NEGR1: variants seen among roughly 807,000 people sequenced by gnomAD.
The protein encoded by NEGR1 is neuronal growth regulator 1, also known as IgLON family member 4.
A neutral mutation model predicts 40.9 loss-of-function variants in NEGR1; 10 were observed. The ratio of observed to expected loss-of-function variants is 0.24; its 90% confidence interval spans 0.15 to 0.42. The LOEUF is 0.42. Ranked by LOEUF, NEGR1 falls within the 10% of genes least tolerant of loss-of-function variation. The pLI is 1.00. For synonymous variants in NEGR1, 185 were observed against 166.8 expected (o/e 1.11, Z -0.84); for missense variants, 352 against 438.9 (o/e 0.80, Z 1.77).
At chr1:72,029,318 A>G (rs1484474592) in intron 1 of NEGR1, among the ~76,000 whole-genome samples, 1 of 152,152 alleles carries the variant, frequency 6.6e-6, no homozygotes, top group Non-Finnish European at 1.5e-5. Context: ...GCATCTCTAA[A>G]AAATATAAAA....
chr1:72,229,390 AATG>A (rs1325218011), intron 1 of NEGR1, among the ~76,000 whole-genome samples: 5 of 148,560 alleles, frequency 3.4e-5, no homozygotes, highest in Non-Finnish European at 7.4e-5. Flanking sequence ...TTTGATTTTA[AATG>A]ATATTTTAGG....
At chr1:72,244,365 G>A (rs1326987043) in intron 1 of NEGR1, among the ~76,000 whole-genome samples, 1 of 151,634 alleles carries the variant, frequency 6.6e-6, no homozygotes, top group Non-Finnish European at 1.5e-5. Flanking sequence ...ACATAATTCA[G>A]GATATTTCTA....
At chr1:71,921,630 C>T (rs1030997294) in intron 2 of NEGR1, among the ~76,000 whole-genome samples, 19 of 146,282 alleles carry the variant, frequency 1.3e-4, no homozygotes, top group African/African-American at 4.3e-4. Context: ...GTATAGAATA[C>T]ATATATATTC....
chr1:72,039,192 G>A (rs1207494364), intron 1 of NEGR1, among the ~76,000 whole-genome samples: 1 of 151,890 alleles, frequency 6.6e-6, no homozygotes, highest in African/African-American at 2.4e-5. Context: ...TATTAAGAGG[G>A]CAATATAATA....
chr1:71,497,378 T>C (rs1413513726), intron 6 of NEGR1, among the ~76,000 whole-genome samples: 1 of 152,198 alleles, frequency 6.6e-6, no homozygotes, highest in Non-Finnish European at 1.5e-5. Context: ...GCGTTCATTC[T>C]AAATTGCTTA....
chr1:72,282,176 G>T, intron 1 of NEGR1, 143 bp downstream of exon 1: 1 of 1,000,050 alleles, frequency 1.0e-6, no homozygotes, highest in Non-Finnish European at 1.5e-6. Context: ...GGAAGAATCT[G>T]CACCTGGAAT....
At chr1:72,233,726 G>T (rs867123270) in intron 1 of NEGR1, among the ~76,000 whole-genome samples, 11 of 152,104 alleles carry the variant, frequency 7.2e-5, no homozygotes, top group Non-Finnish European at 1.5e-4. Context: ...TTGTGTCTTT[G>T]CTATTGTAAA....
chr1:72,113,729 T>C (rs953777828), intron 1 of NEGR1, among the ~76,000 whole-genome samples: 1 of 151,802 alleles, frequency 6.6e-6, no homozygotes, highest in African/African-American at 2.4e-5. Context: ...CTTTCTCTCC[T>C]TAATCCTGGA....
intron 1 of NEGR1, among the ~76,000 whole-genome samples, chr1:72,205,829 G>T (rs1570120064): frequency 6.7e-6 from 1 of 150,090 alleles, no homozygotes; most frequent in East Asian, 2.0e-4. Context: ...GGTAGGCCTG[G>T]CTACTCAGGA....
intron 6 of NEGR1, among the ~76,000 whole-genome samples, chr1:71,463,902 T>C (rs1417164925): frequency 6.6e-6 from 1 of 152,066 alleles, no homozygotes; most frequent in East Asian, 1.9e-4. Context: ...CAAATGATAC[T>C]AAAATAAATA....
At chr1:71,598,457 T>C (rs995913644) in intron 5 of NEGR1, among the ~76,000 whole-genome samples, 1 of 152,234 alleles carries the variant, frequency 6.6e-6, no homozygotes, top group Non-Finnish European at 1.5e-5. Context: ...GGGGCTTAGT[T>C]ATGTCTTTCA....
chr1:71,918,865 G>A (rs568174709), intron 2 of NEGR1, among the ~76,000 whole-genome samples: 20 of 152,228 alleles, frequency 1.3e-4, no homozygotes. Context: ...AAGTTAGAAG[G>A]TCAAGTTTAT....
intron 1 of NEGR1, among the ~76,000 whole-genome samples, chr1:72,264,434 T>C (rs1285095305): frequency 6.6e-6 from 1 of 151,082 alleles, no homozygotes; most frequent in Non-Finnish European, 1.5e-5. Context: ...TTGTAATAAA[T>C]ATTTACAATT....
At chr1:71,626,050 G>A (rs1650763402) in intron 4 of NEGR1, among the ~76,000 whole-genome samples, 1 of 151,742 alleles carries the variant, frequency 6.6e-6, no homozygotes, top group South Asian at 2.1e-4. Flanking sequence ...AGAATCTAAT[G>A]CCTGATGATC....
At chr1:71,911,578 A>G (rs1661421300) in intron 2 of NEGR1, among the ~76,000 whole-genome samples, 1 of 152,206 alleles carries the variant, frequency 6.6e-6, no homozygotes, top group Admixed American at 6.5e-5. Flanking sequence ...TGAGAGCACC[A>G]ATACCAGAAA....
At chr1:72,143,052 A>G (rs2100338824) in intron 1 of NEGR1, among the ~76,000 whole-genome samples, 1 of 152,064 alleles carries the variant, frequency 6.6e-6, no homozygotes, top group Admixed American at 6.6e-5. Flanking sequence ...TTTGTGAGCA[A>G]TACTGTTCTG....
chr1:72,209,378 C>G (rs2100460519), intron 1 of NEGR1, among the ~76,000 whole-genome samples: 1 of 151,720 alleles, frequency 6.6e-6, no homozygotes, highest in Admixed American at 6.6e-5. Context: ...ATATCAGTGC[C>G]ATTTTTCAGA....
intron 1 of NEGR1, among the ~76,000 whole-genome samples, chr1:72,091,100 CAG>C (rs1420762619): frequency 6.6e-6 from 1 of 152,080 alleles, no homozygotes; most frequent in East Asian, 1.9e-4. Context: ...TGGGTTCGGT[CAG>C]AGTTTTCCAA....
intron 6 of NEGR1, among the ~76,000 whole-genome samples, chr1:71,409,319 G>C (rs1186728550): frequency 6.6e-6 from 1 of 151,878 alleles, no homozygotes; most frequent in Non-Finnish European, 1.5e-5. Flanking sequence ...AGAATGTCAA[G>C]TGTAATAAAA....
Sources: allele counts gnomAD v4.1 joint callset (sites outside exome capture counted in the v4.1 genomes callset), GRCh38; gene constraint gnomAD v4.1.1; transcripts MANE v1.5; gene names NCBI Gene and HGNC (gene_info 2026-07-23, HGNC 2026-07-21).